The following UBASH3B variants were observed in gnomAD, a reference collection of about 807,000 sequenced individuals.
The protein encoded by UBASH3B is ubiquitin associated and SH3 domain containing B.
UBASH3B carries 37 observed loss-of-function variants against 83.4 expected under a neutral mutation model. The ratio of observed to expected loss-of-function variants is 0.44; its 90% CI spans 0.34 to 0.58. The LOEUF (loss-of-function observed/expected upper bound fraction) is 0.58, where lower values mean the gene tolerates loss of function less well. Among genes scored for constraint, UBASH3B ranks in the 20% least tolerant of loss-of-function variants. The pLI is 0.01. For missense variants in UBASH3B, 657 were observed against 827.2 expected, an observed-to-expected ratio of 0.79 and a Z score of 2.52; for synonymous variants, 304 against 318.3, an observed-to-expected ratio of 0.96 and a Z score of 0.48.
intron 1 of UBASH3B, among the ~76,000 whole-genome samples, chr11:122,694,105 T>G (rs1008523307): frequency 1.3e-5 from 2 of 151,994 alleles, no homozygotes; most frequent in Admixed American, 1.3e-4. Context: ...AAATGATGAA[T>G]CACATAATGA....
chr11:122,790,724 A>G (rs1861038767), intron 6 of UBASH3B, among the ~76,000 whole-genome samples: 1 of 152,008 alleles, frequency 6.6e-6, no homozygotes, highest in African/African-American at 2.4e-5. Context: ...GGGTGGGTGG[A>G]TCACTTGAGG....
chr11:122,798,581 C>T (rs925785026), intron 9 of UBASH3B, among the ~76,000 whole-genome samples: 3 of 151,712 alleles, frequency 2.0e-5, no homozygotes, highest in Non-Finnish European at 4.4e-5. Flanking sequence ...TGTGGTGGTG[C>T]GCGCCTGTAC....
intron 11 of UBASH3B, among the ~76,000 whole-genome samples, chr11:122,805,005 C>A (rs957219144): frequency 2.0e-5 from 3 of 152,166 alleles, no homozygotes; most frequent in Admixed American, 1.3e-4. Flanking sequence ...GGACAGGAAG[C>A]CTAGCTTTGA....
At chr11:122,659,722 C>T (rs773662492) in intron 1 of UBASH3B, among the ~76,000 whole-genome samples, 40 of 152,334 alleles carry the variant, frequency 2.6e-4, no homozygotes, top group Non-Finnish European at 4.4e-4. Context: ...GGATGTGATG[C>T]TTTAAGAAGG....
intron 1 of UBASH3B, among the ~76,000 whole-genome samples, chr11:122,679,857 GTC>G (rs939902303): frequency 2.0e-5 from 3 of 152,000 alleles, no homozygotes; most frequent in Non-Finnish European, 4.4e-5. Flanking sequence ...TTGAGATGGA[GTC>G]TCTCTCTGTC....
intron 1 of UBASH3B, among the ~76,000 whole-genome samples, chr11:122,747,428 C>G (rs1403706072): frequency 6.6e-6 from 1 of 152,068 alleles, no homozygotes; most frequent in Non-Finnish European, 1.5e-5. Flanking sequence ...CCTGTGGGGA[C>G]AGTGCTGAGC....
At chr11:122,716,501 T>G (rs1013512909) in intron 1 of UBASH3B, among the ~76,000 whole-genome samples, 4 of 152,200 alleles carry the variant, frequency 2.6e-5, no homozygotes, top group Non-Finnish European at 5.9e-5. Flanking sequence ...ACATATGCCG[T>G]GAGTTAGCTT....
intron 1 of UBASH3B, among the ~76,000 whole-genome samples, chr11:122,745,855 G>A (rs957545063): frequency 6.6e-6 from 1 of 152,152 alleles, no homozygotes; most frequent in Non-Finnish European, 1.5e-5. Flanking sequence ...GTCATCTCCC[G>A]ATAGGTGACC....
chr11:122,747,841 C>T (rs1285793384), intron 1 of UBASH3B, among the ~76,000 whole-genome samples: 1 of 152,186 alleles, frequency 6.6e-6, no homozygotes, highest in Non-Finnish European at 1.5e-5. Flanking sequence ...CCTTTGTGAC[C>T]TAAGATCCAT....
intron 1 of UBASH3B, among the ~76,000 whole-genome samples, chr11:122,745,968 G>T (rs1461963975): frequency 6.6e-6 from 1 of 152,236 alleles, no homozygotes; most frequent in African/African-American, 2.4e-5. Flanking sequence ...TGAGGCCAGA[G>T]ACTTTGTTTT....
chr11:122,798,830 G>T, intron 9 of UBASH3B, 112 bp from the exon 10 acceptor site: 1 of 724,508 alleles, frequency 1.4e-6, no homozygotes. Context: ...GTGAGCCCCA[G>T]TTAGGAAAGA....
intron 1 of UBASH3B, among the ~76,000 whole-genome samples, chr11:122,745,384 T>C (rs1177175711): frequency 6.6e-6 from 1 of 152,188 alleles, no homozygotes; most frequent in Non-Finnish European, 1.5e-5. Flanking sequence ...GTGCTTACCA[T>C]GTGGCAACAC....
chr11:122,657,124 C>A (rs1252418444), intron 1 of UBASH3B, among the ~76,000 whole-genome samples: 2 of 152,236 alleles, frequency 1.3e-5, no homozygotes, highest in African/African-American at 4.8e-5. Context: ...GTGCAGATTT[C>A]TTAGGTGGGG....
intron 1 of UBASH3B, among the ~76,000 whole-genome samples, chr11:122,716,709 G>A (rs947848049): frequency 5.3e-5 from 8 of 152,152 alleles, no homozygotes; most frequent in Non-Finnish European, 7.3e-5. Flanking sequence ...CCACCTGAAG[G>A]CAGGTAATGC....
At chr11:122,699,200 G>A (rs1591774839) in intron 1 of UBASH3B, among the ~76,000 whole-genome samples, 2 of 152,154 alleles carry the variant, frequency 1.3e-5, no homozygotes, top group African/African-American at 4.8e-5. Flanking sequence ...GGCATGGGAG[G>A]GAACTGGTAT....
chr11:122,657,541 G>A (rs139557235), intron 1 of UBASH3B, among the ~76,000 whole-genome samples: 5 of 151,984 alleles, frequency 3.3e-5, no homozygotes, highest in Admixed American at 2.6e-4. Flanking sequence ...CACCCACCTC[G>A]GTCTCCCAAA....
chr11:122,802,175 C>T (rs544597051), intron 11 of UBASH3B, among the ~76,000 whole-genome samples: 1 of 151,874 alleles, frequency 6.6e-6, no homozygotes, highest in Non-Finnish European at 1.5e-5. Flanking sequence ...ATTAGCTGGG[C>T]GTGGTGGCAC....
At chr11:122,725,893 C>T (rs1475018344) in intron 1 of UBASH3B, among the ~76,000 whole-genome samples, 4 of 152,034 alleles carry the variant, frequency 2.6e-5, no homozygotes, top group African/African-American at 9.7e-5. Flanking sequence ...AGGGTTTTAC[C>T]ATGTTGGCGA....
chr11:122,794,738 T>C lies in UBASH3B; in HGVS notation c.1017T>C (p.Ser339=), dbSNP rs750735250. Residue 339 remains serine, a synonymous_variant, in exon 7 of 14, where the codon TCT becomes TCC. Coordinates refer to ENST00000284273, the MANE Select transcript of UBASH3B (RefSeq NM_032873.5). The part of the protein sequence containing the change: ...YSILNTSSSN[S]LTFGDGVLER... Reference sequence around the variant, plus strand: ...TCTTAAATACATCGTCATCCAACTCTCTCACGTTTGGGGATGGAGTATTGG... The same window carrying C: ...TCTTAAATACATCGTCATCCAACTCCCTCACGTTTGGGGATGGAGTATTGG... The C allele has an allele frequency of 9.3e-6, 15 of 1,614,008 alleles. No homozygotes were observed. Among genetic ancestry groups the C allele is most frequent in the South Asian group, 6.6e-5 (6 of 91,070 alleles).
Sources: gnomAD v4.1 joint callset for allele counts (sites outside exome capture counted in the v4.1 genomes callset) on GRCh38, gnomAD v4.1.1 for gene constraint, MANE v1.5 for transcripts, NCBI Gene and HGNC (gene_info 2026-07-23, HGNC 2026-07-21) for gene names.